The following PDE11A variants were observed in gnomAD, a reference collection of about 807,000 sequenced individuals.
PDE11A encodes the protein dual 3',5'-cyclic-AMP and -GMP phosphodiesterase 11A.
A neutral mutation model predicts 100.5 loss-of-function variants in PDE11A; 100 were observed. That is an observed-to-expected ratio of 1.00 (90% CI 0.85 to 1.18). PDE11A has a LOEUF of 1.18. PDE11A is among the 50% of genes most tolerant of loss of function. The pLI is 0.00. For synonymous variants in PDE11A, 381 were observed against 420.8 expected, an observed-to-expected ratio of 0.91 and a Z score of 1.16; for missense variants, 1,141 against 1,152.6, an observed-to-expected ratio of 0.99 and a Z score of 0.15.
At chr2:177,966,540 T>C (rs921321328) in intron 2 of PDE11A, among the ~76,000 whole-genome samples, 2 of 151,302 alleles carry the variant, frequency 1.3e-5, no homozygotes, top group Admixed American at 6.6e-5. Context: ...GCCTAGTTTA[T>C]AGAGGGTGTT....
At chr2:177,662,181 G>C (rs2080494258) in intron 19 of PDE11A, among the ~76,000 whole-genome samples, 1 of 152,132 alleles carries the variant, frequency 6.6e-6, no homozygotes, top group Non-Finnish European at 1.5e-5. Context: ...AAGCCCTAAA[G>C]GATTGTCAAT....
chr2:177,942,342 G>A (rs922634731), intron 2 of PDE11A, among the ~76,000 whole-genome samples: 2 of 152,078 alleles, frequency 1.3e-5, no homozygotes, highest in Admixed American at 6.6e-5. Flanking sequence ...CACCTAACAA[G>A]TGCCCAGCAA....
At chr2:178,107,629 A>G (rs1464326324) in intron 1 of PDE11A, among the ~76,000 whole-genome samples, 1 of 151,932 alleles carries the variant, frequency 6.6e-6, no homozygotes, top group Non-Finnish European at 1.5e-5. Flanking sequence ...ACAGAAATTA[A>G]GTGACTTGTT....
At chr2:177,853,393 T>C (rs529428099) in intron 5 of PDE11A, among the ~76,000 whole-genome samples, 1 of 151,846 alleles carries the variant, frequency 6.6e-6, no homozygotes, top group African/African-American at 2.4e-5. Context: ...ACATGCTCTG[T>C]TTAACTGCTT....
intron 2 of PDE11A, among the ~76,000 whole-genome samples, chr2:177,994,023 C>T (rs1457955811): frequency 1.3e-5 from 2 of 151,704 alleles, no homozygotes; most frequent in East Asian, 3.9e-4. Flanking sequence ...GCAACCTCCC[C>T]CTCCCCGAGC....
chr2:178,001,275 A>AGTGTGTGTGTGTGTGTGTGTGT (rs57136586), intron 2 of PDE11A, among the ~76,000 whole-genome samples: 110 of 140,756 alleles, frequency 7.8e-4, no homozygotes, highest in Middle Eastern at 3.6e-3. Flanking sequence ...ACAATGTGAA[A>AGTGTGTGTGTGTGTGTGTGTGT]GTGTGTGTGT....
intron 10 of PDE11A, among the ~76,000 whole-genome samples, chr2:177,740,453 T>C (rs2081856079): frequency 6.6e-6 from 1 of 152,230 alleles, no homozygotes; most frequent in Admixed American, 6.5e-5. Context: ...TGCTTTATAG[T>C]ATTCCATTTA....
chr2:177,762,435 C>A (rs2082183020), intron 10 of PDE11A, among the ~76,000 whole-genome samples: 1 of 152,210 alleles, frequency 6.6e-6, no homozygotes, highest in African/African-American at 2.4e-5. Context: ...CCCAGATGCG[C>A]TAGTGTTCTG....
At chr2:177,810,895 G>C (rs2082939849) in intron 9 of PDE11A, among the ~76,000 whole-genome samples, 1 of 152,096 alleles carries the variant, frequency 6.6e-6, no homozygotes, top group African/African-American at 2.4e-5. Flanking sequence ...GATGGGAGAG[G>C]CTTTGGGGAG....
At chr2:177,853,269 T>C (rs931968747) in intron 5 of PDE11A, among the ~76,000 whole-genome samples, 11 of 151,988 alleles carry the variant, frequency 7.2e-5, no homozygotes, top group African/African-American at 2.4e-4. Flanking sequence ...GCAGGGCTGT[T>C]TGGAGGATAA....
intron 2 of PDE11A, among the ~76,000 whole-genome samples, chr2:177,985,201 A>G (rs1442659507): frequency 1.3e-5 from 2 of 152,338 alleles, no homozygotes; most frequent in East Asian, 3.9e-4. Context: ...TTATCACTTC[A>G]GGTGATTATA....
At chr2:177,818,866 AAAAACCAG>A (rs1244872801) in intron 7 of PDE11A, among the ~76,000 whole-genome samples, 4 of 152,138 alleles carry the variant, frequency 2.6e-5, no homozygotes, top group Non-Finnish European at 2.9e-5. Flanking sequence ...AAAAGAAAAA[AAAAACCAG>A]CTGTAATTCT....
chr2:177,793,171 G>A (rs10178916), intron 9 of PDE11A, among the ~76,000 whole-genome samples: 50,549 of 151,940 alleles, frequency 0.33, 8,784 homozygotes, highest in African/African-American at 0.39. Flanking sequence ...CCTTTCAGGC[G>A]GATAAAGACT....
intron 1 of PDE11A, among the ~76,000 whole-genome samples, chr2:178,107,173 CCT>C (rs2087629875): frequency 6.6e-6 from 1 of 151,874 alleles, no homozygotes; most frequent in Admixed American, 6.6e-5. Context: ...TTACTTCTGC[CCT>C]CTCTAATCAT....
In PDE11A at chr2:177,623,484, G is replaced by C. The variant is rs1015587300; in HGVS notation, c.*5923C>G. ...ATAATTAGGAAGGAAGTCAGTAGGA[G>C]ATCCTTTTTAGGTTATTGTACATGA... On this transcript the variant is annotated 3_prime_UTR_variant, in exon 20 of 20. Transcript: ENST00000286063. 1.8e-4 allele frequency: 28 copies of C among 152,224 alleles called. No homozygotes were observed. Among genetic ancestry groups the C allele is most frequent in the African/African-American group, 6.8e-4 (28 of 41,452 alleles). The allele number at this position is 152,224 out of a possible 1,614,324, so 9.4% of individuals were successfully genotyped here.
At chr2:178,025,284 T>C (rs1283395293) in intron 1 of PDE11A, among the ~76,000 whole-genome samples, 1 of 152,224 alleles carries the variant, frequency 6.6e-6, no homozygotes, top group African/African-American at 2.4e-5. Flanking sequence ...CTCTACTTGC[T>C]AAATGTTTAA....
At chr2:178,052,547 A>C (rs1272043336) in intron 1 of PDE11A, among the ~76,000 whole-genome samples, 1 of 152,134 alleles carries the variant, frequency 6.6e-6, no homozygotes, top group Non-Finnish European at 1.5e-5. Context: ...GACACAAAAA[A>C]CCCTTCAAAA....
At chr2:177,990,535 C>A (rs1047352849) in intron 2 of PDE11A, among the ~76,000 whole-genome samples, 1 of 151,450 alleles carries the variant, frequency 6.6e-6, no homozygotes, top group African/African-American at 2.4e-5. Context: ...GTCAGGAATT[C>A]AAGACCAGCC....
chr2:177,764,492 C>T (rs929779963), intron 10 of PDE11A, among the ~76,000 whole-genome samples: 9 of 152,244 alleles, frequency 5.9e-5, no homozygotes, highest in Admixed American at 3.3e-4. Context: ...GTCTGTCCAC[C>T]GCATTGCAAT....
Sources: allele counts gnomAD v4.1 joint callset (sites outside exome capture counted in the v4.1 genomes callset), GRCh38; gene constraint gnomAD v4.1.1; transcripts MANE v1.5; gene names NCBI Gene and HGNC (gene_info 2026-07-23, HGNC 2026-07-21).